Variants in GLIS1 observed in about 807,000 individuals in gnomAD.
GLIS1 encodes zinc finger protein GLIS1.
Under a neutral mutation model 63.8 loss-of-function variants are expected in GLIS1, and 24 were observed. The ratio of observed to expected loss-of-function variants is 0.38; its 90% CI spans 0.27 to 0.53. GLIS1 has a LOEUF of 0.53. Ranked by LOEUF, GLIS1 falls within the 20% of genes least tolerant of loss-of-function variation. The probability of loss-of-function intolerance (pLI) is 0.85; values close to 1 mark genes in which losing one functional copy is unlikely to be tolerated. For missense variants in GLIS1, 1,036 were observed against 1,074.1 expected, an observed-to-expected ratio of 0.96 and a Z score of 0.50; for synonymous variants, 450 against 482.5, an observed-to-expected ratio of 0.93 and a Z score of 0.88.
chr1:53,647,437 A>C (rs1473817637), intron 2 of GLIS1, among the ~76,000 whole-genome samples: 1 of 152,216 alleles, frequency 6.6e-6, no homozygotes, highest in Non-Finnish European at 1.5e-5. Flanking sequence ...CCTTCAGAAA[A>C]GTGGGGGAAG....
In GLIS1 at chr1:53,600,250, C is replaced by T; in HGVS notation, c.288G>A (p.Pro96=). 8.1e-7 allele frequency: 1 copy of T among 1,232,072 alleles called. No individual in the cohort carries two copies. The highest frequency in any genetic ancestry group is 4.1e-5 in the South Asian group (1 of 24,306). 76.3% of individuals were successfully genotyped at this position (1,232,072 alleles called of 1,614,324 possible). The part of the protein sequence containing the change: ...KVNGSYGHRT[P]GSEKSLLDLD... Reference sequence around the variant, plus strand: ...GGTCCAGCAGGCTCTTCTCTGAGCCCGGGGTACGGTGTCCGTAGCTCCCAT... The same window carrying T: ...GGTCCAGCAGGCTCTTCTCTGAGCCTGGGGTACGGTGTCCGTAGCTCCCAT... The change falls in exon 3 of 11, where the codon CCG becomes CCA. Residue 96 remains proline (P), a synonymous_variant. Transcript: ENST00000628545.
At chr1:53,629,483 G>C (rs1310612038) in intron 2 of GLIS1, among the ~76,000 whole-genome samples, 1 of 152,202 alleles carries the variant, frequency 6.6e-6, no homozygotes, top group Non-Finnish European at 1.5e-5. Flanking sequence ...TGAACAGCAT[G>C]AGATGGGCTT....
intron 7 of GLIS1, among the ~76,000 whole-genome samples, chr1:53,515,845 A>C (rs927818973): frequency 4.0e-5 from 6 of 148,500 alleles, no homozygotes; most frequent in Admixed American, 4.0e-4. Context: ...AAAAAAAAGA[A>C]TGCACCTGAC....
intron 4 of GLIS1, among the ~76,000 whole-genome samples, chr1:53,585,983 A>G (rs1645131034): frequency 6.6e-6 from 1 of 152,206 alleles, no homozygotes; most frequent in Non-Finnish European, 1.5e-5. Context: ...TGAGCAGCAG[A>G]GCTGGGATGA....
intron 2 of GLIS1, among the ~76,000 whole-genome samples, chr1:53,694,838 G>A (rs552915641): frequency 2.0e-5 from 3 of 152,212 alleles, no homozygotes; most frequent in Non-Finnish European, 4.4e-5. Context: ...ATGTTGCACA[G>A]GACAACGGTA....
intron 2 of GLIS1, among the ~76,000 whole-genome samples, chr1:53,644,228 C>A (rs981830175): frequency 6.6e-6 from 1 of 152,212 alleles, no homozygotes; most frequent in African/African-American, 2.4e-5. Context: ...GGCTCTGCCC[C>A]AGAGAGCCTC....
intron 4 of GLIS1, among the ~76,000 whole-genome samples, chr1:53,556,760 G>C (rs1295474290): frequency 1.3e-5 from 2 of 149,594 alleles, no homozygotes; most frequent in South Asian, 4.3e-4. Context: ...GCAGATACTT[G>C]TTTGTGTGCA....
At chr1:53,586,875 T>C (rs2100510645) in intron 4 of GLIS1, among the ~76,000 whole-genome samples, 1 of 152,214 alleles carries the variant, frequency 6.6e-6, no homozygotes, top group South Asian at 2.1e-4. Flanking sequence ...GCCTCTGTCC[T>C]AGGGAGGGGA....
intron 2 of GLIS1, among the ~76,000 whole-genome samples, chr1:53,606,939 C>T (rs1210252137): frequency 6.6e-6 from 1 of 152,172 alleles, no homozygotes; most frequent in East Asian, 1.9e-4. Context: ...CGCGGAGACA[C>T]CCGAGCCAGC....
chr1:53,590,613 G>A (rs529031197), intron 4 of GLIS1, among the ~76,000 whole-genome samples: 3 of 152,338 alleles, frequency 2.0e-5, no homozygotes, highest in African/African-American at 4.8e-5. Flanking sequence ...CAAAGTTAAT[G>A]TCTTGGAGTC....
At chr1:53,590,436 C>T (rs1645177640) in intron 4 of GLIS1, among the ~76,000 whole-genome samples, 1 of 151,998 alleles carries the variant, frequency 6.6e-6, no homozygotes, top group South Asian at 2.1e-4. Flanking sequence ...TTTATAAAAC[C>T]CAAGGTAGAG....
At chr1:53,508,275 G>A (rs916968709) in intron 10 of GLIS1, among the ~76,000 whole-genome samples, 3 of 152,238 alleles carry the variant, frequency 2.0e-5, no homozygotes, top group Non-Finnish European at 4.4e-5. Flanking sequence ...CACCTGGCAC[G>A]GGCGCAGGTG....
intron 4 of GLIS1, among the ~76,000 whole-genome samples, chr1:53,541,012 C>T (rs1238674256): frequency 3.3e-5 from 5 of 152,150 alleles, no homozygotes; most frequent in Non-Finnish European, 7.3e-5. Flanking sequence ...CTCCATCTTG[C>T]GAGGGGGCAG....
intron 4 of GLIS1, among the ~76,000 whole-genome samples, chr1:53,555,280 T>A (rs1360933241): frequency 6.6e-6 from 1 of 152,144 alleles, no homozygotes; most frequent in Non-Finnish European, 1.5e-5. Context: ...CATAATTGCC[T>A]AGCACTTTGG....
chr1:53,517,267 T>C (rs961417459), intron 7 of GLIS1, among the ~76,000 whole-genome samples: 1 of 151,994 alleles, frequency 6.6e-6, no homozygotes, highest in Non-Finnish European at 1.5e-5. Context: ...CTGGCTGCTG[T>C]GAGACCCAGG....
chr1:53,735,661 T>C (rs1242001665), intron 2 of GLIS1, among the ~76,000 whole-genome samples: 1 of 152,166 alleles, frequency 6.6e-6, no homozygotes, highest in Non-Finnish European at 1.5e-5. Context: ...CCCAGCACAG[T>C]CAATACATAT....
chr1:53,678,855 C>T (rs1646243840), intron 2 of GLIS1, among the ~76,000 whole-genome samples: 2 of 152,190 alleles, frequency 1.3e-5, no homozygotes, highest in African/African-American at 4.8e-5. Flanking sequence ...ACTCCAGGGT[C>T]CCTTCCCAGC....
At chr1:53,630,310 G>C (rs1399847797) in intron 2 of GLIS1, among the ~76,000 whole-genome samples, 1 of 152,110 alleles carries the variant, frequency 6.6e-6, no homozygotes, top group Non-Finnish European at 1.5e-5. Context: ...TGTGATGGGT[G>C]CTCTTGCATA....
intron 2 of GLIS1, among the ~76,000 whole-genome samples, chr1:53,728,273 G>A (rs1646825300): frequency 6.6e-6 from 1 of 152,192 alleles, no homozygotes; most frequent in Non-Finnish European, 1.5e-5. Context: ...GAATGGAAGG[G>A]AGGGAAAGCC....
Sources: allele counts gnomAD v4.1 joint callset (sites outside exome capture counted in the v4.1 genomes callset), GRCh38; gene constraint gnomAD v4.1.1; transcripts MANE v1.5; gene names NCBI Gene and HGNC (gene_info 2026-07-23, HGNC 2026-07-21).